The following SLC9C1 variants were observed in gnomAD, a reference collection of about 807,000 sequenced individuals.
The protein encoded by SLC9C1 is sodium/hydrogen exchanger 10.
In SLC9C1, 97 loss-of-function variants were observed where a neutral mutation model predicts 140.9. That is an observed-to-expected ratio of 0.69 (90% CI 0.58 to 0.82). The LOEUF (loss-of-function observed/expected upper bound fraction) is 0.82. Ranked by LOEUF, SLC9C1 falls within the 40% of genes least tolerant of loss-of-function variation. The probability of loss-of-function intolerance (pLI) is 0.00; values close to 1 mark genes in which losing one functional copy is unlikely to be tolerated. For synonymous variants in SLC9C1, 440 were observed against 442.6 expected, an observed-to-expected ratio of 0.99 and a Z score of 0.07; for missense variants, 1,340 against 1,389.3, an observed-to-expected ratio of 0.96 and a Z score of 0.56.
chr3:112,224,352 A>G lies in SLC9C1; in HGVS notation c.1573-3127T>C, dbSNP rs1226350730. On this transcript the variant is annotated intron_variant, in intron 13 of 28. Coordinates refer to ENST00000305815, the MANE Select transcript of SLC9C1 (RefSeq NM_183061.3). ...ATGAAAGCCACTATACAAAATTGAA[A>G]GAGGCAACTGTTTCACAAGATCTGA... Among the ~76,000 whole-genome samples, 3 of 152,166 alleles carry G rather than the reference A, an allele frequency of 2.0e-5. 1 individual carries two copies. The highest frequency in any genetic ancestry group is 2.0e-4 in the Admixed American group (3 of 15,256).
intron 26 of SLC9C1, among the ~76,000 whole-genome samples, chr3:112,161,160 C>G (rs997800687): frequency 7.2e-5 from 11 of 152,096 alleles, no homozygotes; most frequent in African/African-American, 2.7e-4. Flanking sequence ...ATTGTAGATT[C>G]TGGATATTAG....
chr3:112,273,526 G>A (rs2080132056), intron 6 of SLC9C1, among the ~76,000 whole-genome samples: 1 of 152,118 alleles, frequency 6.6e-6, no homozygotes, highest in Non-Finnish European at 1.5e-5. Context: ...CCCAAGTGGG[G>A]TAACTGTCCA....
intron 28 of SLC9C1, among the ~76,000 whole-genome samples, chr3:112,150,815 CATATACATATATATATATATAT>C (rs2074945046): frequency 5.0e-5 from 1 of 20,122 alleles, no homozygotes; most frequent in Non-Finnish European, 9.4e-5. Context: ...TATATAAATA[CATATACATATATATATATATAT>C]ATATTTTTTT....
chr3:112,284,985 C>CTTTTTTTTTT (rs61428176), intron 2 of SLC9C1, among the ~76,000 whole-genome samples: 27 of 103,862 alleles, frequency 2.6e-4, no homozygotes, highest in East Asian at 8.9e-4. Flanking sequence ...TACAATTTTT[C>CTTTTTTTTTT]TTTTTTTTTT....
At chr3:112,170,562 A>G (rs2077226884) in intron 23 of SLC9C1, among the ~76,000 whole-genome samples, 1 of 152,188 alleles carries the variant, frequency 6.6e-6, no homozygotes, top group Non-Finnish European at 1.5e-5. Flanking sequence ...TATTTTTTAT[A>G]AGATAAAATA....
intron 4 of SLC9C1, 129 bp downstream of exon 4, chr3:112,278,600 T>G: frequency 1.0e-6 from 1 of 960,704 alleles, no homozygotes; most frequent in South Asian, 2.1e-5. Flanking sequence ...ATGATGAAGC[T>G]GAATTTATTA....
intron 3 of SLC9C1, among the ~76,000 whole-genome samples, chr3:112,279,406 C>T (rs1318348383): frequency 6.6e-6 from 1 of 152,166 alleles, no homozygotes; most frequent in Non-Finnish European, 1.5e-5. Context: ...AAGATAGTAT[C>T]TCCCTCAGAG....
chr3:112,207,344 A>G (rs761024667), intron 16 of SLC9C1, among the ~76,000 whole-genome samples: 1 of 152,174 alleles, frequency 6.6e-6, no homozygotes, highest in Non-Finnish European at 1.5e-5. Flanking sequence ...ACTTTGTCAG[A>G]GGGATATAGT....
chr3:112,170,234 C>T (rs1419437061), intron 23 of SLC9C1, among the ~76,000 whole-genome samples: 1 of 152,136 alleles, frequency 6.6e-6, no homozygotes, highest in East Asian at 1.9e-4. Flanking sequence ...AACAAAAACC[C>T]TGCAGAATGG....
chr3:112,290,255 A>C (rs1304046816), intron 1 of SLC9C1, among the ~76,000 whole-genome samples: 4 of 152,218 alleles, frequency 2.6e-5, no homozygotes, highest in Admixed American at 2.6e-4. Context: ...TTCTGAATTT[A>C]ATATAGTTAA....
chr3:112,222,443 A>C (rs1277765440), intron 13 of SLC9C1, among the ~76,000 whole-genome samples: 1 of 152,182 alleles, frequency 6.6e-6, no homozygotes. Flanking sequence ...ATTGATTAAG[A>C]CACAATAGCA....
chr3:112,216,913 T>C (rs549730207), intron 15 of SLC9C1, among the ~76,000 whole-genome samples: 1 of 152,308 alleles, frequency 6.6e-6, no homozygotes. Context: ...CACATATGTT[T>C]ATTGTGGCAC....
At chr3:112,252,328 G>C (rs577565857) in intron 10 of SLC9C1, among the ~76,000 whole-genome samples, 1 of 151,990 alleles carries the variant, frequency 6.6e-6, no homozygotes, top group East Asian at 1.9e-4. Flanking sequence ...CCTGACCACA[G>C]TCTATGACCA....
intron 18 of SLC9C1, among the ~76,000 whole-genome samples, chr3:112,201,193 C>A (rs1377358634): frequency 6.6e-6 from 1 of 151,932 alleles, no homozygotes; most frequent in African/African-American, 2.4e-5. Flanking sequence ...AGGTACTTTC[C>A]CATTCGGCTT....
At chr3:112,285,430 G>A (rs1275363674) in intron 2 of SLC9C1, among the ~76,000 whole-genome samples, 1 of 152,060 alleles carries the variant, frequency 6.6e-6, no homozygotes, top group African/African-American at 2.4e-5. Flanking sequence ...TAGTAGAGAC[G>A]GGACTTTGCC....
chr3:112,220,536 C>T (rs939250178), intron 14 of SLC9C1, among the ~76,000 whole-genome samples: 4 of 152,188 alleles, frequency 2.6e-5, no homozygotes, highest in Non-Finnish European at 5.9e-5. Flanking sequence ...TCTGGGTGGA[C>T]ACTGTTGCAG....
intron 13 of SLC9C1, among the ~76,000 whole-genome samples, chr3:112,223,136 A>T (rs1008453161): frequency 6.6e-6 from 1 of 152,210 alleles, no homozygotes; most frequent in Non-Finnish European, 1.5e-5. Context: ...TGTTTATAAG[A>T]ATAATAAGCA....
chr3:112,229,109 G>T (rs1366042441), intron 13 of SLC9C1, among the ~76,000 whole-genome samples: 1 of 152,056 alleles, frequency 6.6e-6, no homozygotes, highest in Non-Finnish European at 1.5e-5. Flanking sequence ...ACTCATATAT[G>T]GAAGCTATAA....
At chr3:112,152,060 T>A (rs1169113119) in intron 27 of SLC9C1, 97 bp from the exon 28 acceptor site, 2 of 849,492 alleles carry the variant, frequency 2.4e-6, no homozygotes, top group African/African-American at 3.5e-5. Context: ...AAGGTGGAGA[T>A]GAGAGACTGA....
Sources: gnomAD v4.1 joint callset for allele counts (sites outside exome capture counted in the v4.1 genomes callset) on GRCh38, gnomAD v4.1.1 for gene constraint, MANE v1.5 for transcripts, NCBI Gene and HGNC (gene_info 2026-07-23, HGNC 2026-07-21) for gene names.